Variants in GPC5 observed in about 807,000 individuals in gnomAD.
The protein encoded by GPC5 is glypican-5.
In GPC5, 47 loss-of-function variants were observed where a neutral mutation model predicts 53.9. That is an observed-to-expected ratio of 0.87 (90% CI 0.69 to 1.11). The LOEUF is 1.11. Ranked by LOEUF, GPC5 falls within the 50% of genes most tolerant of loss-of-function variation. GPC5 has a pLI of 0.00. For missense variants in GPC5, 748 were observed against 713.1 expected (o/e 1.05, Z -0.56); for synonymous variants, 286 against 263.3 (o/e 1.09, Z -0.84).
chr13:91,696,322 C>T (rs2035878986), intron 3 of GPC5, among the ~76,000 whole-genome samples: 1 of 152,120 alleles, frequency 6.6e-6, no homozygotes, highest in African/African-American at 2.4e-5. Context: ...AGTCCTATGA[C>T]TATTTTGAGA....
chr13:91,819,559 TA>T (rs2038457874), intron 5 of GPC5, among the ~76,000 whole-genome samples: 1 of 152,230 alleles, frequency 6.6e-6, no homozygotes, highest in Non-Finnish European at 1.5e-5. Flanking sequence ...ATTTTGTTTG[TA>T]AAATCCATCT....
chr13:91,887,307 C>T (rs1359006314), intron 5 of GPC5, among the ~76,000 whole-genome samples: 1 of 152,152 alleles, frequency 6.6e-6, no homozygotes, highest in African/African-American at 2.4e-5. Context: ...AGTCTCTAGG[C>T]TGCACACAGC....
intron 7 of GPC5, among the ~76,000 whole-genome samples, chr13:92,236,602 G>A (rs191833092): frequency 5.9e-5 from 9 of 152,046 alleles, no homozygotes; most frequent in Non-Finnish European, 1.0e-4. Context: ...AATGTCTAAG[G>A]TAATTTCATG....
intron 7 of GPC5, among the ~76,000 whole-genome samples, chr13:92,419,006 ACTT>A (rs1876440174): frequency 6.6e-6 from 1 of 152,338 alleles, no homozygotes; most frequent in Non-Finnish European, 1.5e-5. Flanking sequence ...GAGGTAATCA[ACTT>A]CTTCTCACGT....
intron 6 of GPC5, among the ~76,000 whole-genome samples, chr13:91,973,740 C>A (rs527569954): frequency 2.6e-5 from 4 of 152,250 alleles, no homozygotes; most frequent in African/African-American, 4.8e-5. Flanking sequence ...CACTCCTGAC[C>A]CTGTTTGCCT....
intron 2 of GPC5, among the ~76,000 whole-genome samples, chr13:91,569,260 G>A (rs1223297655): frequency 6.6e-6 from 1 of 151,912 alleles, no homozygotes; most frequent in Non-Finnish European, 1.5e-5. Context: ...AATGATATTG[G>A]GCCACCTATC....
In GPC5 at chr13:91,544,641, T is replaced by G. The variant is rs1400936111; in HGVS notation, c.325+95719T>G. ...CAGCTATTGTATCTAAAGAGTTATA[T>G]CTTTCATTTTCTCCCTGTGCTTTGA... On this transcript the variant is annotated intron_variant, in intron 2 of 7. Transcript: ENST00000377067. Among the ~76,000 whole-genome samples the G allele has an allele frequency of 2.0e-5, 3 of 152,216 alleles. No individual in the cohort carries two copies. In the East Asian group the frequency reaches 5.8e-4, roughly 29 times the overall value.
At chr13:91,809,959 A>C (rs1313972265) in intron 5 of GPC5, among the ~76,000 whole-genome samples, 2 of 152,064 alleles carry the variant, frequency 1.3e-5, no homozygotes, top group Non-Finnish European at 2.9e-5. Flanking sequence ...TCTAAGATTC[A>C]GGGATTCAGA....
intron 2 of GPC5, among the ~76,000 whole-genome samples, chr13:91,456,568 G>A (rs937168332): frequency 2.6e-5 from 4 of 151,712 alleles, no homozygotes; most frequent in Non-Finnish European, 5.9e-5. Flanking sequence ...AGTAAAATCA[G>A]CTTAATTAAA....
rs529533822 is a variant in GPC5 at position 92,361,339 on chromosome 13, T to G, written c.1561+216350T>G. On this transcript the variant is annotated intron_variant, in intron 7 of 7. Transcript: ENST00000377067. The stretch of plus-strand genomic sequence containing the variant: ...TTTGACTTCTATCTGATCAATTCTA[T>G]TGCTGTCTTACCTGGACCCGGTCAT... Among the ~76,000 whole-genome samples, 16 of 151,822 alleles carry G rather than the reference T, an allele frequency of 1.1e-4. No homozygotes were observed. In the South Asian group the frequency reaches 3.3e-3, roughly 31 times the overall value.
At chr13:91,995,218 C>T (rs61966416) in intron 6 of GPC5, 8,735 of 152,106 alleles carry the variant, frequency 0.057, 330 homozygotes, top group East Asian at 0.098. Flanking sequence ...ATGATCTGCC[C>T]GCCTCAGCCT....
intron 7 of GPC5, among the ~76,000 whole-genome samples, chr13:92,635,379 A>C (rs1885378104): frequency 6.6e-6 from 1 of 152,176 alleles, no homozygotes; most frequent in Non-Finnish European, 1.5e-5. Context: ...AATTCAGAAG[A>C]CTAAGAGCAT....
rs188897904 is a variant in GPC5, at chr13:92,676,195, T to C, written c.1562-190087T>C. Among the ~76,000 whole-genome samples, 152 of 152,260 alleles carry C rather than the reference T, an allele frequency of 1.0e-3. 1 individual carries two copies. The highest frequency in any genetic ancestry group is 3.4e-3 in the African/African-American group (140 of 41,556). On this transcript the variant is annotated intron_variant, in intron 7 of 7. Transcript: ENST00000377067. ...CCATTATATAACAGACATTGATGGTTGGTGAAAATTACCCCCAAATGTCCA... is the reference window on the plus strand; with the variant it reads ...CCATTATATAACAGACATTGATGGTCGGTGAAAATTACCCCCAAATGTCCA...
chr13:92,598,904 C>G (rs1284337931), intron 7 of GPC5, among the ~76,000 whole-genome samples: 4 of 152,128 alleles, frequency 2.6e-5, no homozygotes, highest in African/African-American at 9.7e-5. Context: ...GTAATCCCAG[C>G]TACTTTGTGT....
At chr13:92,742,042 C>G (rs1243562294) in intron 7 of GPC5, among the ~76,000 whole-genome samples, 1 of 148,720 alleles carries the variant, frequency 6.7e-6, no homozygotes, top group African/African-American at 2.5e-5. Context: ...CCACAATAAA[C>G]ATACGTGTGC....
intron 7 of GPC5, among the ~76,000 whole-genome samples, chr13:92,216,998 A>T (rs1192256176): frequency 6.6e-6 from 1 of 150,892 alleles, no homozygotes; most frequent in East Asian, 1.9e-4. Context: ...AAAAAAAAAA[A>T]AGTCATCTGA....
At chr13:92,628,422 T>C (rs946730119) in intron 7 of GPC5, among the ~76,000 whole-genome samples, 1 of 151,964 alleles carries the variant, frequency 6.6e-6, no homozygotes, top group Non-Finnish European at 1.5e-5. Context: ...TCAAATTTCA[T>C]ACTTTCTTTT....
intron 6 of GPC5, among the ~76,000 whole-genome samples, chr13:92,006,634 A>T (rs577233489): frequency 1.6e-4 from 24 of 152,252 alleles, no homozygotes; most frequent in African/African-American, 5.1e-4. Context: ...TTTACCTTTA[A>T]GTTACTTCCA....
At chr13:92,650,297 A>C (rs552367016) in intron 7 of GPC5, among the ~76,000 whole-genome samples, 1 of 152,112 alleles carries the variant, frequency 6.6e-6, no homozygotes, top group Non-Finnish European at 1.5e-5. Flanking sequence ...CTCATTTTCC[A>C]TTTGATATCT....
Sources: gnomAD v4.1 joint callset for allele counts (sites outside exome capture counted in the v4.1 genomes callset) on GRCh38, gnomAD v4.1.1 for gene constraint, MANE v1.5 for transcripts, NCBI Gene and HGNC (gene_info 2026-07-23, HGNC 2026-07-21) for gene names.